The following SHANK2 variants were observed in gnomAD, a reference collection of about 807,000 sequenced individuals.
SHANK2 encodes the protein SH3 and multiple ankyrin repeat domains protein 2.
Under a neutral mutation model 133.7 loss-of-function variants are expected in SHANK2, and 43 were observed. That is an observed-to-expected ratio of 0.32 (90% CI 0.25 to 0.41). The LOEUF (loss-of-function observed/expected upper bound fraction) is 0.41, where lower values mean the gene tolerates loss of function less well. SHANK2 is among the 10% of genes least tolerant of loss of function. The probability of loss-of-function intolerance (pLI) is 1.00; values close to 1 mark genes in which losing one functional copy is unlikely to be tolerated. For missense variants in SHANK2, 1,994 were observed against 2,235.8 expected (o/e 0.89, Z 2.18); for synonymous variants, 1,017 against 952.8 (o/e 1.07, Z -1.24).
At chr11:70,510,171 C>T (rs1400480695) in intron 17 of SHANK2, among the ~76,000 whole-genome samples, 4 of 152,270 alleles carry the variant, frequency 2.6e-5, no homozygotes, top group Middle Eastern at 3.4e-3. Context: ...CCGCAGTTCA[C>T]CCAGACCTGC....
chr11:70,769,381 G>A (rs550191853), intron 14 of SHANK2, among the ~76,000 whole-genome samples: 2 of 152,312 alleles, frequency 1.3e-5, no homozygotes, highest in African/African-American at 2.4e-5. Flanking sequence ...CTTCTAGGAG[G>A]ATCCAGGAGA....
chr11:70,671,671 G>A (rs980806175), intron 15 of SHANK2, among the ~76,000 whole-genome samples: 4 of 152,200 alleles, frequency 2.6e-5, no homozygotes, highest in Admixed American at 6.5e-5. Context: ...CAAGACACAC[G>A]GGTGTGTTAG....
intron 2 of SHANK2, among the ~76,000 whole-genome samples, chr11:71,149,265 C>T (rs568245940): frequency 1.3e-5 from 2 of 152,158 alleles, no homozygotes; most frequent in South Asian, 2.1e-4. Flanking sequence ...CAAAGCAAGA[C>T]GTAAATTTCA....
intron 10 of SHANK2, among the ~76,000 whole-genome samples, chr11:70,947,555 G>A (rs144685272): frequency 0.021 from 3,177 of 152,022 alleles, 39 homozygotes; most frequent in Non-Finnish European, 0.034. Flanking sequence ...TAATAGAGAC[G>A]GGGTTTCACC....
intron 8 of SHANK2, among the ~76,000 whole-genome samples, chr11:71,092,100 A>G (rs1951528794): frequency 6.6e-6 from 1 of 152,154 alleles, no homozygotes; most frequent in Admixed American, 6.5e-5. Flanking sequence ...TGGAGAGGGC[A>G]GGGCTCCTGG....
chr11:70,496,358 C>T (rs1164639448), intron 21 of SHANK2, among the ~76,000 whole-genome samples: 2 of 152,140 alleles, frequency 1.3e-5, no homozygotes, highest in African/African-American at 4.8e-5. Flanking sequence ...CATTTCCATC[C>T]ACTGCACACT....
In SHANK2 at chr11:70,699,139, C is replaced by T. The variant is rs190240425; in HGVS notation, c.1778-376G>A. ...TGGAATCCACTAGAACAGCATTCTG[C>T]CGTGGTGCTGCTGAGCCTTCCAGCA... is the stretch of plus-strand genomic sequence containing the variant. On this transcript the variant is annotated intron_variant, in intron 14 of 25. Transcript: ENST00000601538. 2.6e-3 allele frequency among the ~76,000 whole-genome samples: 391 copies of T among 152,222 alleles called. 4 individuals are homozygous for T. The highest frequency in any genetic ancestry group is 9.0e-3 in the African/African-American group (373 of 41,532).
At chr11:71,060,246 T>C (rs999517721) in intron 9 of SHANK2, among the ~76,000 whole-genome samples, 2 of 152,200 alleles carry the variant, frequency 1.3e-5, no homozygotes, top group Admixed American at 1.3e-4. Context: ...CTGCAATTAA[T>C]AGGACAGCCC....
intron 10 of SHANK2, among the ~76,000 whole-genome samples, chr11:70,925,739 G>A (rs1555081472): frequency 6.6e-6 from 1 of 152,124 alleles, no homozygotes; most frequent in Non-Finnish European, 1.5e-5. Flanking sequence ...TGTGCAGACA[G>A]CACTAACTTC....
intron 5 of SHANK2, among the ~76,000 whole-genome samples, chr11:71,111,115 A>G (rs539811433): frequency 1.1e-3 from 161 of 152,356 alleles, no homozygotes; most frequent in African/African-American, 3.8e-3. Flanking sequence ...TTTGTTGTTT[A>G]TAAGTTACCC....
chr11:70,795,410 T>TC (rs1207565579), intron 14 of SHANK2, among the ~76,000 whole-genome samples: 15 of 146,624 alleles, frequency 1.0e-4, no homozygotes, highest in South Asian at 6.7e-4. Flanking sequence ...TCTTTTTCTT[T>TC]TTTTTTTTTT....
chr11:70,656,774 T>C (rs1370013401), intron 17 of SHANK2, among the ~76,000 whole-genome samples: 1 of 152,154 alleles, frequency 6.6e-6, no homozygotes, highest in African/African-American at 2.4e-5. Flanking sequence ...AGACTCCCGA[T>C]CTGGAGATAG....
chr11:70,644,082 T>C (rs1183433986), intron 17 of SHANK2, among the ~76,000 whole-genome samples: 1 of 152,196 alleles, frequency 6.6e-6, no homozygotes, highest in Non-Finnish European at 1.5e-5. Flanking sequence ...TTGCCCCAGA[T>C]TTAACAGGAA....
intron 17 of SHANK2, among the ~76,000 whole-genome samples, chr11:70,644,086 A>G (rs555592151): frequency 2.0e-5 from 3 of 152,346 alleles, no homozygotes; most frequent in Non-Finnish European, 2.9e-5. Context: ...CCCAGATTTA[A>G]CAGGAAAGCC....
At chr11:70,892,129 C>A (rs1419985150) in intron 11 of SHANK2, among the ~76,000 whole-genome samples, 1 of 152,206 alleles carries the variant, frequency 6.6e-6, no homozygotes, top group Non-Finnish European at 1.5e-5. Context: ...GTCACACCGT[C>A]ATGAGGCTGG....
At position 71,193,975 on chromosome 11, in the gene SHANK2, G is replaced by C. The variant is rs79896113; in HGVS notation, c.-13+30722C>G. On this transcript the variant is annotated intron_variant, in intron 2 of 25. Coordinates refer to ENST00000601538, the MANE Select transcript of SHANK2 (RefSeq NM_012309.5). ...ATAAGGTCACGTTCTGAGTACTTGGGGTTAGAGCTTCAACCTGTGAATTTG... is the reference window on the plus strand; with the variant it reads ...ATAAGGTCACGTTCTGAGTACTTGGCGTTAGAGCTTCAACCTGTGAATTTG... Among the ~76,000 whole-genome samples, 1,096 of 152,292 alleles carry C rather than the reference G, an allele frequency of 7.2e-3. 13 individuals carry two copies. The highest frequency in any genetic ancestry group is 0.027 in the Middle Eastern group (8 of 294).
intron 10 of SHANK2, among the ~76,000 whole-genome samples, chr11:70,951,785 A>T (rs552236101): frequency 2.8e-4 from 42 of 152,312 alleles, no homozygotes; most frequent in Non-Finnish European, 4.7e-4. Flanking sequence ...CAAAGGCTCT[A>T]GGGGAGGGTC....
intron 1 of SHANK2, among the ~76,000 whole-genome samples, chr11:71,238,991 T>C (rs979345272): frequency 6.6e-6 from 1 of 152,070 alleles, no homozygotes; most frequent in South Asian, 2.1e-4. Flanking sequence ...AGACAAAGTA[T>C]AGAGAAAGAA....
At chr11:71,113,012 TCAGAGATGCCGCTTTTGA>T (rs1262743236) in intron 5 of SHANK2, among the ~76,000 whole-genome samples, 1 of 152,140 alleles carries the variant, frequency 6.6e-6, no homozygotes, top group Non-Finnish European at 1.5e-5. Flanking sequence ...CCCACTCTCT[TCAGAGATGCCGCTTTTGA>T]CCCTCCCTGG....
Sources: gnomAD v4.1 joint callset for allele counts (sites outside exome capture counted in the v4.1 genomes callset) on GRCh38, gnomAD v4.1.1 for gene constraint, MANE v1.5 for transcripts, NCBI Gene and HGNC (gene_info 2026-07-23, HGNC 2026-07-21) for gene names.